ANO1: variants seen among roughly 807,000 people sequenced by gnomAD.
ANO1 encodes the protein anoctamin 1, also known as anoctamin-1.
A neutral mutation model predicts 124.0 loss-of-function variants in ANO1; 59 were observed. That is an observed-to-expected ratio of 0.48 (90% CI 0.39 to 0.59). The LOEUF (loss-of-function observed/expected upper bound fraction) is 0.59, where lower values mean the gene tolerates loss of function less well. Ranked by LOEUF, ANO1 falls within the 20% of genes least tolerant of loss-of-function variation. ANO1 has a pLI of 0.00. For synonymous variants in ANO1, 529 were observed against 532.0 expected (o/e 0.99, Z 0.08); for missense variants, 1,059 against 1,328.0 (o/e 0.80, Z 3.15).
intron 8 of ANO1, among the ~76,000 whole-genome samples, chr11:70,122,374 A>C (rs1012556437): frequency 0.017 from 494 of 29,056 alleles, no homozygotes; most frequent in Admixed American, 0.02. Context: ...CGTCTCCCCC[A>C]CCTCTCTCTG....
At chr11:70,082,267 T>C (rs1192608143) in intron 1 of ANO1, among the ~76,000 whole-genome samples, 1 of 152,174 alleles carries the variant, frequency 6.6e-6, no homozygotes, top group Non-Finnish European at 1.5e-5. Context: ...ATCAAAAAGA[T>C]GAATAAGAGG....
At chr11:70,144,185 T>C (rs2047261825) in intron 11 of ANO1, among the ~76,000 whole-genome samples, 2 of 152,100 alleles carry the variant, frequency 1.3e-5, no homozygotes, top group Non-Finnish European at 2.9e-5. Context: ...ACAAACGGGG[T>C]GGTACAAAAT....
chr11:70,156,022 G>C, intron 15 of ANO1, 34 bp downstream of exon 15: 1 of 1,467,600 alleles, frequency 6.8e-7, no homozygotes, highest in South Asian at 1.4e-5. Flanking sequence ...CGCGCGTCTT[G>C]ACTGTTTGCA....
intron 1 of ANO1, among the ~76,000 whole-genome samples, chr11:70,071,889 G>A (rs12286102): frequency 0.013 from 1,971 of 152,144 alleles, 44 homozygotes; most frequent in African/African-American, 0.045. Flanking sequence ...CTCCCAAAGT[G>A]CTGGGATTAC....
chr11:70,031,978 C>T (rs1857010220), intron 1 of ANO1, among the ~76,000 whole-genome samples: 1 of 151,806 alleles, frequency 6.6e-6, no homozygotes, highest in African/African-American at 2.4e-5. Flanking sequence ...CCATCATTTA[C>T]TCACTGCTTC....
At chr11:70,186,551 C>T (rs926566655) in intron 25 of ANO1, among the ~76,000 whole-genome samples, 2 of 151,946 alleles carry the variant, frequency 1.3e-5, no homozygotes, top group Non-Finnish European at 1.5e-5. Flanking sequence ...CCAGCTGGCC[C>T]AGTCTCTAGG....
chr11:70,104,794 G>C (rs1481955260), intron 4 of ANO1, among the ~76,000 whole-genome samples: 1 of 152,148 alleles, frequency 6.6e-6, no homozygotes, highest in Non-Finnish European at 1.5e-5. Flanking sequence ...GGAAGCTCTG[G>C]CGGGCAGGAG....
chr11:70,143,376 G>GA (rs1491263324), intron 11 of ANO1, among the ~76,000 whole-genome samples: 2 of 152,160 alleles, frequency 1.3e-5, no homozygotes, highest in African/African-American at 4.8e-5. Flanking sequence ...GAGGTGCCGC[G>GA]AAATTAGGGA....
chr11:70,056,993 T>C (rs1405217787), intron 1 of ANO1, among the ~76,000 whole-genome samples: 1 of 151,600 alleles, frequency 6.6e-6, no homozygotes. Flanking sequence ...TACATTCTCA[T>C]TCTCAAGTGA....
rs1565179162 is a variant in ANO1 at position 70,080,638 on chromosome 11, A to G, written c.108+1924A>G. ...CATTGCTTATCCAGACCCAGAAACT[A>G]TCTGCCTCCTGCAAACCCAGGTGAA... is the stretch of plus-strand genomic sequence containing the variant. On this transcript the variant is annotated intron_variant, in intron 1 of 25. Transcript: ENST00000355303. 2.0e-5 allele frequency among the ~76,000 whole-genome samples: 3 copies of G among 152,328 alleles called. No homozygotes were observed. The East Asian group carries it at 5.8e-4, about 29-fold the overall frequency.
At chr11:69,969,299 G>A in the ANO1 span, among the ~76,000 whole-genome samples, 25 of 152,188 alleles carry the variant, frequency 1.6e-4, no homozygotes, top group Admixed American at 1.6e-3. Context: ...GGCTGAGAAG[G>A]GTGGTAGGAG....
intron 21 of ANO1, chr11:70,170,131 AG>A (rs1176988877): frequency 2.7e-6 from 1 of 367,672 alleles, no homozygotes; most frequent in South Asian, 1.6e-5. Flanking sequence ...TCCTGATGCA[AG>A]GGGAAGTTTG....
chr11:70,105,707 C>A, intron 4 of ANO1, 27 bp from the exon 5 acceptor site: 1 of 1,611,614 alleles, frequency 6.2e-7, no homozygotes, highest in East Asian at 2.2e-5. Context: ...TGAACTGTGT[C>A]TTGTTTCCTT....
At chr11:70,045,403 GA>G (rs1475080182) in intron 1 of ANO1, among the ~76,000 whole-genome samples, 2 of 152,210 alleles carry the variant, frequency 1.3e-5, no homozygotes, top group Admixed American at 6.5e-5. Flanking sequence ...AGGATGTTAA[GA>G]AGCTCTGCTT....
chr11:70,117,100 C>CTTTTT (rs756764991), intron 8 of ANO1, among the ~76,000 whole-genome samples: 41 of 61,480 alleles, frequency 6.7e-4, no homozygotes, highest in South Asian at 1.1e-3. Context: ...TTGTTTCTTT[C>CTTTTT]TTTTTTTTTT....
chr11:70,018,566 C>T (rs1555002268), intron 1 of ANO1, among the ~76,000 whole-genome samples: 1 of 152,148 alleles, frequency 6.6e-6, no homozygotes, highest in Non-Finnish European at 1.5e-5. Context: ...GGGACCGTAG[C>T]TGCACCACCT....
rs1204244525 is a variant in ANO1 at position 70,149,961 on chromosome 11, C to T, written c.1341+169C>T. On this transcript the variant is annotated intron_variant, in intron 12 of 25. Transcript: ENST00000355303. ...CCCTGCCTGCCTCGCCACTCAACAC[C>T]CTGGCGTTCCGAACACCCTCCATGG... 3.4e-5 allele frequency: 25 copies of T among 725,424 alleles called. No homozygotes were observed. The Admixed American group carries it at 5.0e-4, about 15-fold the overall frequency. The allele number at this position is 725,424 out of a possible 1,614,324, so 44.9% of individuals were successfully genotyped here.
In ANO1 at chr11:70,152,605, G is replaced by A. The variant is rs575828471; in HGVS notation, c.1353+144G>A. ...GGGTCTCTGCTTTCTCCCCACCTCC[G>A]GTCTCTCCTAACCTGTTCTTTCCTT... On this transcript the variant is annotated intron_variant, in intron 13 of 25. Transcript: ENST00000355303. 1.4e-4 allele frequency: 141 copies of A among 982,626 alleles called. 2 individuals are homozygous for A. The Admixed American group carries it at 2.8e-3, about 19-fold the overall frequency. The allele number at this position is 982,626 out of a possible 1,614,324, so 60.9% of individuals were successfully genotyped here.
At chr11:70,091,924 G>T (rs10898154) in intron 2 of ANO1, among the ~76,000 whole-genome samples, 23,154 of 152,210 alleles carry the variant, frequency 0.15, 2,074 homozygotes, top group African/African-American at 0.24. Context: ...AGTTCTTGGA[G>T]ATCGGATAAC....
Sources: gnomAD v4.1 joint callset for allele counts (sites outside exome capture counted in the v4.1 genomes callset) on GRCh38, gnomAD v4.1.1 for gene constraint, MANE v1.5 for transcripts, NCBI Gene and HGNC (gene_info 2026-07-23, HGNC 2026-07-21) for gene names.